The following MYO18B variants were observed in gnomAD, a reference collection of about 807,000 sequenced individuals.
MYO18B encodes myosin XVIIIB, also known as unconventional myosin-XVIIIb.
Under a neutral mutation model 273.0 loss-of-function variants are expected in MYO18B, and 204 were observed. That is an observed-to-expected ratio of 0.75 (90% CI 0.67 to 0.84). The LOEUF (loss-of-function observed/expected upper bound fraction) is 0.84, where lower values mean the gene tolerates loss of function less well. Among genes scored for constraint, MYO18B ranks in the 40% least tolerant of loss-of-function variants. MYO18B has a pLI of 0.00. For synonymous variants in MYO18B, 1,330 were observed against 1,305.7 expected (o/e 1.02, Z -0.40); for missense variants, 3,212 against 3,287.6 (o/e 0.98, Z 0.56).
At chr22:25,937,748 G>A (rs1327854221) in intron 34 of MYO18B, among the ~76,000 whole-genome samples, 2 of 151,998 alleles carry the variant, frequency 1.3e-5, no homozygotes, top group Non-Finnish European at 2.9e-5. Flanking sequence ...ACCGCGCCTG[G>A]CTGATTTTGT....
intron 27 of MYO18B, 56 bp from the exon 28 acceptor site, chr22:25,895,100 T>C (rs1323162451): frequency 3.2e-6 from 5 of 1,581,322 alleles, no homozygotes; most frequent in Admixed American, 3.4e-5. Flanking sequence ...CCACTCACAC[T>C]CTTGCCTTAC....
chr22:25,780,855 C>T (rs972210465), intron 9 of MYO18B, among the ~76,000 whole-genome samples: 3 of 152,150 alleles, frequency 2.0e-5, no homozygotes, highest in African/African-American at 7.2e-5. Context: ...ATTAAACAGA[C>T]GCTTGCCAGC....
At chr22:25,923,208 G>GTTTGTTA (rs1423260040) in intron 34 of MYO18B, among the ~76,000 whole-genome samples, 2 of 152,328 alleles carry the variant, frequency 1.3e-5, no homozygotes, top group East Asian at 3.9e-4. Context: ...AAGACACTGG[G>GTTTGTTA]AGGGCCCTTC....
intron 40 of MYO18B, among the ~76,000 whole-genome samples, chr22:25,994,724 T>C (rs1176531166): frequency 6.6e-6 from 1 of 152,218 alleles, no homozygotes; most frequent in Non-Finnish European, 1.5e-5. Context: ...TATTAATTAG[T>C]GTCATGGCAG....
intron 18 of MYO18B, 78 bp downstream of exon 18, chr22:25,843,972 C>T (rs2090161256): frequency 1.5e-6 from 2 of 1,378,610 alleles, no homozygotes; most frequent in Non-Finnish European, 2.0e-6. Context: ...ACTAGGCAGT[C>T]ACTACAACAC....
chr22:25,870,074 C>T (rs928435846), intron 22 of MYO18B, among the ~76,000 whole-genome samples: 2 of 152,198 alleles, frequency 1.3e-5, no homozygotes, highest in African/African-American at 4.8e-5. Context: ...AGCTGTGCCC[C>T]TGGGAAATAA....
At chr22:25,811,772 T>C (rs1440835927) in intron 12 of MYO18B, among the ~76,000 whole-genome samples, 1 of 152,200 alleles carries the variant, frequency 6.6e-6, no homozygotes, top group African/African-American at 2.4e-5. Flanking sequence ...TTCAGGTTGT[T>C]TCTTGCCATT....
intron 14 of MYO18B, among the ~76,000 whole-genome samples, chr22:25,827,751 C>T (rs2089548745): frequency 6.6e-6 from 1 of 152,112 alleles, no homozygotes; most frequent in African/African-American, 2.4e-5. Context: ...AGAGGGAGTA[C>T]TGGGAATGGG....
intron 1 of MYO18B, among the ~76,000 whole-genome samples, chr22:25,744,689 A>G (rs1429627860): frequency 1.3e-5 from 2 of 152,176 alleles, no homozygotes; most frequent in Non-Finnish European, 2.9e-5. Context: ...AGCCGAGATC[A>G]CGCCATTGCA....
At chr22:25,766,390 A>G (rs141171387) in intron 3 of MYO18B, among the ~76,000 whole-genome samples, 1 of 152,308 alleles carries the variant, frequency 6.6e-6, no homozygotes, top group Non-Finnish European at 1.5e-5. Flanking sequence ...TATTACAAAG[A>G]TGAAAACAGA....
At chr22:25,951,426 C>A (rs1018456000) in intron 37 of MYO18B, among the ~76,000 whole-genome samples, 1 of 152,220 alleles carries the variant, frequency 6.6e-6, no homozygotes, top group East Asian at 1.9e-4. Context: ...CACTCACACT[C>A]ATTTACTCTT....
rs147690451 is a variant in MYO18B, at chr22:26,025,797, G to A, written c.6471-648G>A. On this transcript the variant is annotated intron_variant, in intron 42 of 43. Coordinates refer to ENST00000335473, the MANE Select transcript of MYO18B (RefSeq NM_032608.7). Reference sequence around the variant, plus strand: ...TTTTCAGAGGCAAAGTGTTTTTGGCGCTGCTGCCACAAACTCCCTCTGCAT... The same window carrying A: ...TTTTCAGAGGCAAAGTGTTTTTGGCACTGCTGCCACAAACTCCCTCTGCAT... Among the ~76,000 whole-genome samples, 133 of 152,284 alleles carry A rather than the reference G, an allele frequency of 8.7e-4. 1 individual carries two copies. Among genetic ancestry groups the A allele is most frequent in the African/African-American group, 3.0e-3 (123 of 41,562 alleles).
At position 25,903,807 on chromosome 22, in the gene MYO18B, A is replaced by G. The variant is rs754229576; in HGVS notation, c.5124A>G (p.Glu1708=). ...LEQQKIQSQQ[E]NTIKQLEQLR... ...AACAGAAAATCCAGAGCCAGCAGGA[A>G]AACACCATCAAGCAGCTGGAGCAGG... The change falls in exon 31 of 44, where the codon GAA becomes GAG. Residue 1708 remains glutamate, a synonymous_variant. Transcript: ENST00000335473. The G allele has an allele frequency of 2.4e-5, 38 of 1,601,334 alleles. No individual in the cohort carries two copies. The East Asian group carries it at 3.4e-4, about 14-fold the overall frequency.
Position 25,768,501 on chromosome 22 carries a change from C to T in MYO18B, c.585C>T (p.Thr195=), listed in dbSNP as rs377089421. The change falls in exon 4 of 44, where the codon ACC becomes ACT. Residue 195 remains threonine (T), a synonymous_variant. Coordinates refer to ENST00000335473, the MANE Select transcript of MYO18B (RefSeq NM_032608.7). The stretch of plus-strand genomic sequence containing the variant: ...CTGGAAAGGAAAAGAAAGGGGAGAC[C>T]TCTAGGACTCCTTGTGGCTCCCAGG... ...TDTGKEKKGE[T]SRTPCGSQAS... is the part of the protein sequence containing the mutation. The T allele has an allele frequency of 1.3e-6, 2 of 1,596,050 alleles. No individual in the cohort carries two copies. The highest frequency in any genetic ancestry group is 1.7e-6 in the Non-Finnish European group (2 of 1,171,490).
intron 17 of MYO18B, among the ~76,000 whole-genome samples, chr22:25,842,980 T>C (rs1310288212): frequency 3.9e-5 from 6 of 152,214 alleles, no homozygotes; most frequent in Non-Finnish European, 8.8e-5. Flanking sequence ...GACCATTATG[T>C]GCCCGGACAC....
chr22:26,040,787 T>G, the MYO18B span, among the ~76,000 whole-genome samples: 2 of 151,596 alleles, frequency 1.3e-5, no homozygotes, highest in African/African-American at 2.4e-5. Context: ...GCTAGTATGG[T>G]TGGAGTAGGG....
In MYO18B at chr22:25,862,846, T is replaced by G. The variant is rs76307571; in HGVS notation, c.3886-5474T>G. 2.0e-3 allele frequency among the ~76,000 whole-genome samples: 301 copies of G among 147,754 alleles called. 2 individuals carry two copies. The highest frequency in any genetic ancestry group is 3.3e-3 in the African/African-American group (133 of 39,748). ...CGCTAGGATGCATAGACTTTTTTTTTGGGGGGGGGTGTCAAATTTGGGAAG... is the reference window on the plus strand; with the variant it reads ...CGCTAGGATGCATAGACTTTTTTTTGGGGGGGGGGTGTCAAATTTGGGAAG... On this transcript the variant is annotated intron_variant, in intron 21 of 43. Transcript: ENST00000335473.
At chr22:25,778,650 A>ATT (rs2087011804) in intron 8 of MYO18B, among the ~76,000 whole-genome samples, 3 of 151,346 alleles carry the variant, frequency 2.0e-5, no homozygotes. Context: ...TGGCTATTTT[A>ATT]TTTTTATTTT....
chr22:25,842,118 G>A (rs1392809985), intron 17 of MYO18B, among the ~76,000 whole-genome samples: 1 of 152,214 alleles, frequency 6.6e-6, no homozygotes. Flanking sequence ...CACACAGGTG[G>A]CAGATGCCAC....
Sources: gnomAD v4.1 joint callset for allele counts (sites outside exome capture counted in the v4.1 genomes callset) on GRCh38, gnomAD v4.1.1 for gene constraint, MANE v1.5 for transcripts, NCBI Gene and HGNC (gene_info 2026-07-23, HGNC 2026-07-21) for gene names.